Variants in SLC35F2 observed in about 807,000 individuals in gnomAD.
The protein encoded by SLC35F2 is solute carrier family 35 member F2, also known as queuine/queuosine transporter SLC35F2.
SLC35F2 carries 25 observed loss-of-function variants against 38.1 expected under a neutral mutation model. That is an observed-to-expected ratio of 0.66 (90% CI 0.48 to 0.92). The LOEUF (loss-of-function observed/expected upper bound fraction) is 0.92, where lower values mean the gene tolerates loss of function less well. SLC35F2 is among the 40% of genes least tolerant of loss of function. SLC35F2 has a pLI of 0.00. For missense variants in SLC35F2, 409 were observed against 452.9 expected, an observed-to-expected ratio of 0.90 and a Z score of 0.88; for synonymous variants, 173 against 181.7, an observed-to-expected ratio of 0.95 and a Z score of 0.38.
At chr11:107,850,127 T>G (rs546416980) in intron 1 of SLC35F2, among the ~76,000 whole-genome samples, 1 of 152,238 alleles carries the variant, frequency 6.6e-6, no homozygotes, top group Non-Finnish European at 1.5e-5. Flanking sequence ...TCAAGGGTGA[T>G]TCTGTAGTGC....
chr11:107,854,311 T>C (rs1340413203), intron 1 of SLC35F2, among the ~76,000 whole-genome samples: 1 of 149,240 alleles, frequency 6.7e-6, no homozygotes, highest in Non-Finnish European at 1.5e-5. Flanking sequence ...GTGCATGCCA[T>C]AGTCCCAGCC....
intron 3 of SLC35F2, among the ~76,000 whole-genome samples, chr11:107,808,369 C>T (rs1445801316): frequency 6.6e-6 from 1 of 152,118 alleles, no homozygotes; most frequent in Non-Finnish European, 1.5e-5. Flanking sequence ...AAAGAGAGTG[C>T]ACTCACTCAA....
intron 1 of SLC35F2, among the ~76,000 whole-genome samples, chr11:107,817,976 G>C (rs1217790864): frequency 6.7e-6 from 1 of 149,708 alleles, no homozygotes; most frequent in African/African-American, 2.4e-5. Context: ...AGAATCGCTT[G>C]AACCCGGGAG....
chr11:107,858,371 A>G (rs932641209), intron 1 of SLC35F2: 19 of 259,146 alleles, frequency 7.3e-5, no homozygotes, highest in African/African-American at 4.4e-4. Context: ...AACGCCCCAG[A>G]GGACCGACCT....
At chr11:107,803,948 C>G (rs7935515) in intron 6 of SLC35F2, among the ~76,000 whole-genome samples, 8,624 of 151,970 alleles carry the variant, frequency 0.057, 291 homozygotes, top group East Asian at 0.15. Flanking sequence ...GTCTCAGCCT[C>G]CCGAGTAGCT....
chr11:107,851,676 A>T (rs1860189351), intron 1 of SLC35F2, among the ~76,000 whole-genome samples: 1 of 152,174 alleles, frequency 6.6e-6, no homozygotes, highest in African/African-American at 2.4e-5. Flanking sequence ...AATCTATTGC[A>T]AGGTCAGTAA....
chr11:107,824,787 G>T (rs75833642), intron 1 of SLC35F2, among the ~76,000 whole-genome samples: 11 of 152,014 alleles, frequency 7.2e-5, no homozygotes, highest in Non-Finnish European at 1.6e-4. Flanking sequence ...CCTCTGGCTC[G>T]CCCTGTCTTT....
intron 1 of SLC35F2, among the ~76,000 whole-genome samples, chr11:107,822,012 C>A (rs565652717): frequency 6.6e-6 from 1 of 152,140 alleles, no homozygotes; most frequent in South Asian, 2.1e-4. Context: ...CCAAGGCAGG[C>A]GGATCACTTG....
intron 1 of SLC35F2, among the ~76,000 whole-genome samples, chr11:107,839,821 T>C (rs955459909): frequency 6.6e-5 from 10 of 152,010 alleles, no homozygotes; most frequent in African/African-American, 2.4e-4. Context: ...GCCTGGCTAA[T>C]TTTGTATTTT....
chr11:107,819,791 A>G (rs1385685615), intron 1 of SLC35F2, among the ~76,000 whole-genome samples: 1 of 152,188 alleles, frequency 6.6e-6, no homozygotes, highest in African/African-American at 2.4e-5. Context: ...ATTAATACCT[A>G]TCACAGCTCA....
intron 1 of SLC35F2, chr11:107,823,904 G>T: frequency 1.3e-6 from 1 of 762,662 alleles, no homozygotes; most frequent in Non-Finnish European, 1.6e-6. Context: ...ATTCTAGCCT[G>T]GGCGACATAA....
chr11:107,839,613 CTT>C (rs1332382088), intron 1 of SLC35F2, among the ~76,000 whole-genome samples: 1 of 152,180 alleles, frequency 6.6e-6, no homozygotes, highest in African/African-American at 2.4e-5. Context: ...ATATCCTTCT[CTT>C]TGTCATCTGG....
At chr11:107,846,071 C>G (rs1860100473) in intron 1 of SLC35F2, among the ~76,000 whole-genome samples, 1 of 151,458 alleles carries the variant, frequency 6.6e-6, no homozygotes, top group Admixed American at 6.6e-5. Flanking sequence ...AAATGAAAAC[C>G]ATTCAAATCT....
chr11:107,853,447 G>A (rs548680247), intron 1 of SLC35F2, among the ~76,000 whole-genome samples: 7 of 152,146 alleles, frequency 4.6e-5, no homozygotes, highest in East Asian at 3.9e-4. Context: ...GGCCGGGCGC[G>A]GTGGCTCACG....
chr11:107,815,867 T>C lies in SLC35F2; in HGVS notation c.209A>G (p.Asn70Ser). 1 of 1,614,088 alleles carries C rather than the reference T, an allele frequency of 6.2e-7. No homozygotes were observed. Among genetic ancestry groups the C allele is most frequent in the Non-Finnish European group, 8.5e-7 (1 of 1,180,008 alleles). ...SQYLAERYKV[N>S]TPMLQSFINY... ...GATAAAGCTCTGAAGCATGGGGGTG[T>C]TCACTTTGTATCTTTCTGCCAAATA... Residue 70 changes from asparagine (N) to serine (S), a missense_variant, in exon 2 of 8, where the codon AAC (asparagine) becomes AGC (serine). Coordinates refer to ENST00000525815, the MANE Select transcript of SLC35F2 (RefSeq NM_017515.5).
chr11:107,806,816 T>C lies in SLC35F2; in HGVS notation c.475A>G (p.Arg159Gly). The change falls in exon 4 of 8, where the codon AGA (arginine) becomes GGA (glycine). Residue 159 changes from arginine (R) to glycine (G), a missense_variant. Transcript: ENST00000525815. ...GCGATGAAGTGGATCACTCTGTATC[T>C]TGCATGAAGAATAAACCATGACAGA... is the stretch of plus-strand genomic sequence containing the variant. ...MALSWFILHA[R>G]YRVIHFIAVA... 1 of 1,614,130 alleles carries C rather than the reference T, an allele frequency of 6.2e-7. No homozygotes were observed. The highest frequency in any genetic ancestry group is 8.5e-7 in the Non-Finnish European group (1 of 1,179,974).
chr11:107,813,793 T>C (rs1185737689), intron 2 of SLC35F2, among the ~76,000 whole-genome samples: 2 of 152,114 alleles, frequency 1.3e-5, no homozygotes, highest in Non-Finnish European at 2.9e-5. Context: ...GCCTCCCAAG[T>C]AGCTGGGACT....
At chr11:107,824,020 C>T in intron 1 of SLC35F2, 2 of 984,386 alleles carry the variant, frequency 2.0e-6, no homozygotes, top group Non-Finnish European at 2.4e-6. Flanking sequence ...TGTTTTCTTT[C>T]CATCTCCATA....
chr11:107,800,865 A>C (rs999882299), intron 7 of SLC35F2, among the ~76,000 whole-genome samples: 3 of 151,138 alleles, frequency 2.0e-5, no homozygotes, highest in African/African-American at 7.3e-5. Flanking sequence ...GGGACCTAAA[A>C]CTCTGGGGAA....
Sources: gnomAD v4.1 joint callset for allele counts (sites outside exome capture counted in the v4.1 genomes callset) on GRCh38, gnomAD v4.1.1 for gene constraint, MANE v1.5 for transcripts, NCBI Gene and HGNC (gene_info 2026-07-23, HGNC 2026-07-21) for gene names.